Variants in PHLPP2 observed in about 807,000 individuals in gnomAD.
PHLPP2 encodes PH domain and leucine rich repeat protein phosphatase 2.
A neutral mutation model predicts 124.9 loss-of-function variants in PHLPP2; 66 were observed. The ratio of observed to expected loss-of-function variants is 0.53; its 90% CI spans 0.43 to 0.65. The LOEUF (loss-of-function observed/expected upper bound fraction) is 0.65. Among genes scored for constraint, PHLPP2 ranks in the 30% least tolerant of loss-of-function variants. The pLI, the probability that PHLPP2 is intolerant of heterozygous loss-of-function variation, is 0.00. For synonymous variants in PHLPP2, 681 were observed against 624.7 expected (o/e 1.09, Z -1.34); for missense variants, 1,685 against 1,600.4 (o/e 1.05, Z -0.90).
At chr16:71,701,335 CCTACCTA>C (rs11279162) in intron 3 of PHLPP2, among the ~76,000 whole-genome samples, 228 of 520 alleles carry the variant, frequency 0.44, no homozygotes, top group East Asian at 0.5. Context: ...TACCTACCTA[CCTACCTA>C]CTACCTACGT....
chr16:71,665,256 G>C (rs771221147), intron 12 of PHLPP2, among the ~76,000 whole-genome samples: 1 of 152,178 alleles, frequency 6.6e-6, no homozygotes, highest in Admixed American at 6.5e-5. Context: ...GTTGCAGTGA[G>C]CTGAGATCGT....
Position 71,667,227 on chromosome 16 carries a change from G to A in PHLPP2, c.1735C>T (p.His579Tyr), listed in dbSNP as rs1303818036. The A allele has an allele frequency of 6.2e-7, 1 of 1,613,910 alleles. No individual in the cohort carries two copies. The highest frequency in any genetic ancestry group is 2.2e-5 in the East Asian group (1 of 44,870). Reference sequence around the variant, plus strand: ...TCTGGCAGCCTCGTGAGTGCATTATGCTGAAGATCCAGCACCTCGAGGGGG... The same window carrying A: ...TCTGGCAGCCTCGTGAGTGCATTATACTGAAGATCCAGCACCTCGAGGGGG... ...HIPLEVLDLQHNALTRLPDTL... is the reference protein window; with the variant it reads ...HIPLEVLDLQYNALTRLPDTL... Residue 579 changes from histidine (H) to tyrosine (Y), a missense_variant, in exon 12 of 19, where the codon CAT becomes TAT. By Grantham distance (83) the His-to-Tyr change is moderately conservative. Coordinates refer to ENST00000568954, the MANE Select transcript of PHLPP2 (RefSeq NM_015020.3).
chr16:71,679,824 T>C (rs1470519968), intron 6 of PHLPP2, among the ~76,000 whole-genome samples: 38 of 152,204 alleles, frequency 2.5e-4, no homozygotes, highest in Admixed American at 2.5e-3. Flanking sequence ...GGCTTATACC[T>C]GTAATCCCAG....
At chr16:71,691,455 T>G (rs933974146) in intron 3 of PHLPP2, among the ~76,000 whole-genome samples, 1 of 145,058 alleles carries the variant, frequency 6.9e-6, no homozygotes, top group African/African-American at 2.6e-5. Flanking sequence ...AGCAAGACGC[T>G]GTCTCAAATA....
chr16:71,716,687 A>G (rs1453078134), intron 1 of PHLPP2, among the ~76,000 whole-genome samples: 1 of 152,142 alleles, frequency 6.6e-6, no homozygotes, highest in Non-Finnish European at 1.5e-5. Context: ...AGTACACCAC[A>G]ATTCTGTGGC....
At chr16:71,698,799 C>A (rs151333616) in intron 3 of PHLPP2, 8 of 234,042 alleles carry the variant, frequency 3.4e-5, no homozygotes, top group South Asian at 2.9e-4. Flanking sequence ...ATCATGAATT[C>A]GAACTGAGAG....
At chr16:71,666,157 G>A (rs2044838053) in intron 12 of PHLPP2, 1 of 152,048 alleles carries the variant, frequency 6.6e-6, no homozygotes, top group Admixed American at 6.5e-5. Context: ...TGGACCCTGA[G>A]CAAGGATGAC....
intron 9 of PHLPP2, 58 bp downstream of exon 9, chr16:71,676,389 C>T (rs1437605311): frequency 2.1e-6 from 3 of 1,406,574 alleles, no homozygotes; most frequent in African/African-American, 2.8e-5. Context: ...CCACTGTTCT[C>T]AGAAAGCACT....
chr16:71,719,497 G>A (rs1393205270), intron 1 of PHLPP2, among the ~76,000 whole-genome samples: 4 of 152,094 alleles, frequency 2.6e-5, no homozygotes, highest in Admixed American at 1.3e-4. Context: ...CGGAGATCAC[G>A]CCACTGTACT....
At chr16:71,678,564 CG>C (rs1471084379) in intron 8 of PHLPP2, 190 bp downstream of exon 8, 1 of 549,966 alleles carries the variant, frequency 1.8e-6, no homozygotes, top group Non-Finnish European at 3.2e-6. Context: ...CGCCTGAGAA[CG>C]GGAGGTCAAG....
At chr16:71,716,607 G>A (rs1472976564) in intron 1 of PHLPP2, among the ~76,000 whole-genome samples, 1 of 152,074 alleles carries the variant, frequency 6.6e-6, no homozygotes, top group African/African-American at 2.4e-5. Flanking sequence ...CTCCAGCTTC[G>A]TTCCCTACTA....
intron 18 of PHLPP2, among the ~76,000 whole-genome samples, chr16:71,651,017 T>C (rs1040477146): frequency 6.6e-6 from 1 of 152,200 alleles, no homozygotes; most frequent in African/African-American, 2.4e-5. Flanking sequence ...ATAAAAATAC[T>C]TCCTACTTGT....
rs771280169 is a variant in PHLPP2, at chr16:71,669,275, C to T, written c.1628G>A (p.Arg543Lys). 1 of 1,599,324 alleles carries T rather than the reference C, an allele frequency of 6.3e-7. No individual in the cohort carries two copies. The highest frequency in any genetic ancestry group is 1.7e-5 in the Admixed American group (1 of 59,960). ...SYNLLTEVPV[R>K]ILSSLSLRKL... ...AATATATGCATCCAGGCACACATACCTCACGGGAACCTCTGTGAGAAGATT... is the reference window on the plus strand; with the variant it reads ...AATATATGCATCCAGGCACACATACTTCACGGGAACCTCTGTGAGAAGATT... Residue 543 changes from arginine (R) to lysine (K), a missense_variant and splice_region_variant, in exon 11 of 19, where the codon AGA (arginine) becomes AAA (lysine). Transcript: ENST00000568954.
chr16:71,649,276 C>G lies in PHLPP2; in HGVS notation c.3586G>C (p.Glu1196Gln). ...CCAAAACACGACCCTCTAGCATGTT[C>G]CTCAGAACACAGGGTAGGAGAACTC... The part of the protein sequence containing the change: ...IESSPTLCSE[E>Q]HARGSCFGIR... The change falls in exon 19 of 19, where the codon GAA becomes CAA. Residue 1196 changes from glutamate (E) to glutamine (Q), a missense_variant. By Grantham distance (29) the Glu-to-Gln change is conservative. Transcript: ENST00000568954. 6.2e-7 allele frequency: 1 copy of G among 1,614,036 alleles called. No homozygotes were observed. The highest frequency in any genetic ancestry group is 1.6e-4 in the Middle Eastern group (1 of 6,062).
chr16:71,690,536 G>A lies in PHLPP2; in HGVS notation c.592C>T (p.Pro198Ser). Residue 198 changes from proline to serine, a missense_variant, in exon 4 of 19, where the codon CCT becomes TCT. Physicochemically the swap from Pro to Ser is moderately conservative, Grantham distance 74. Transcript: ENST00000568954. The part of the protein sequence containing the change: ...DCQTGKMHIL[P>S]LVGGKIEEVK... ...AGTCTTACCTTTCCACCAACCAGAG[G>A]CAAAATGTGCATCTTTCCAGTTTGA... 6.2e-7 allele frequency: 1 copy of A among 1,606,896 alleles called. No homozygotes were observed.
intron 1 of PHLPP2, among the ~76,000 whole-genome samples, chr16:71,722,207 G>A (rs2045402894): frequency 6.6e-6 from 1 of 152,082 alleles, no homozygotes; most frequent in African/African-American, 2.4e-5. Context: ...CAAGGCGGGC[G>A]GATCACTGGA....
intron 4 of PHLPP2, among the ~76,000 whole-genome samples, chr16:71,690,175 G>GA (rs1224292434): frequency 2.0e-5 from 3 of 151,708 alleles, no homozygotes; most frequent in South Asian, 2.1e-4. Context: ...AATTGGGGGG[G>GA]AAAAAAAACC....
chr16:71,657,695 A>G (rs2044754137), intron 15 of PHLPP2, among the ~76,000 whole-genome samples: 1 of 152,212 alleles, frequency 6.6e-6, no homozygotes, highest in Admixed American at 6.5e-5. Context: ...CACACGGCCA[A>G]TAATATTATC....
At position 71,649,465 on chromosome 16, in the gene PHLPP2, G is replaced by T; in HGVS notation, c.3397C>A (p.Pro1133Thr). The change falls in exon 19 of 19, where the codon CCT (proline) becomes ACT (threonine). Residue 1133 changes from proline (P) to threonine (T), a missense_variant. Transcript: ENST00000568954. ...TTACTGGAGAAGGTAGCAGAAGAAG[G>T]CTGGCGCTGAAACAGCCCAGAGGTG... ...TPTSGLFQRQ[P>T]SSATFSSNQS... The T allele has an allele frequency of 1.2e-6, 2 of 1,614,118 alleles. No individual in the cohort carries two copies. Among genetic ancestry groups the T allele is most frequent in the Non-Finnish European group, 1.7e-6 (2 of 1,179,998 alleles).
Sources: gnomAD v4.1 joint callset for allele counts (sites outside exome capture counted in the v4.1 genomes callset) on GRCh38, gnomAD v4.1.1 for gene constraint, MANE v1.5 for transcripts, NCBI Gene and HGNC (gene_info 2026-07-23, HGNC 2026-07-21) for gene names.